EPHA3: variants seen among roughly 807,000 people sequenced by gnomAD.
The protein encoded by EPHA3 is ephrin type-A receptor 3.
EPHA3 carries 42 observed loss-of-function variants against 107.1 expected under a neutral mutation model. The ratio of observed to expected loss-of-function variants is 0.39; its 90% CI spans 0.31 to 0.51. EPHA3 has a LOEUF of 0.51. EPHA3 is among the 20% of genes least tolerant of loss of function. The probability of loss-of-function intolerance (pLI) is 0.78; values close to 1 mark genes in which losing one functional copy is unlikely to be tolerated. For synonymous variants in EPHA3, 461 were observed against 424.8 expected (o/e 1.09, Z -1.05); for missense variants, 1,183 against 1,211.2 (o/e 0.98, Z 0.35).
At chr3:89,348,598 T>C (rs1380288386) in intron 5 of EPHA3, among the ~76,000 whole-genome samples, 2 of 141,002 alleles carry the variant, frequency 1.4e-5, no homozygotes, top group African/African-American at 2.9e-5. Context: ...TGAATGGTTT[T>C]TTGTGTCTCT....
chr3:89,306,669 T>C (rs1330956980), intron 3 of EPHA3, among the ~76,000 whole-genome samples: 1 of 152,214 alleles, frequency 6.6e-6, no homozygotes, highest in Non-Finnish European at 1.5e-5. Flanking sequence ...TTCTCCAGGC[T>C]GGCTTACCTA....
At chr3:89,181,802 C>A (rs190042028) in intron 2 of EPHA3, among the ~76,000 whole-genome samples, 3 of 152,076 alleles carry the variant, frequency 2.0e-5, no homozygotes, top group Admixed American at 2.0e-4. Context: ...AGATTGCATG[C>A]TCAGAAAGCT....
At chr3:89,159,432 A>G (rs185120306) in intron 2 of EPHA3, among the ~76,000 whole-genome samples, 122 of 152,208 alleles carry the variant, frequency 8.0e-4, no homozygotes, top group African/African-American at 2.9e-3. Context: ...AAAATCCACT[A>G]GTGAAGTCCC....
chr3:89,414,592 T>C lies in EPHA3; in HGVS notation c.1888+1326T>C, dbSNP rs1384428113. Among the ~76,000 whole-genome samples the C allele has an allele frequency of 2.0e-5, 3 of 151,708 alleles. No homozygotes were observed. The East Asian group carries it at 5.9e-4, about 30-fold the overall frequency. ...CTTTTCTCCAGCACGGAGCCTGCGG[T>C]AGCAAATGCAGCACGAGGACTTTGA... On this transcript the variant is annotated intron_variant, in intron 10 of 16. Transcript: ENST00000336596.
At chr3:89,382,381 A>G (rs1708528288) in intron 5 of EPHA3, among the ~76,000 whole-genome samples, 1 of 151,680 alleles carries the variant, frequency 6.6e-6, no homozygotes, top group Non-Finnish European at 1.5e-5. Context: ...GGTGGTGGGA[A>G]CCTGTAATCC....
At chr3:89,242,384 G>A (rs1576258633) in intron 3 of EPHA3, among the ~76,000 whole-genome samples, 1 of 152,230 alleles carries the variant, frequency 6.6e-6, no homozygotes, top group South Asian at 2.1e-4. Flanking sequence ...AGTGTGCACT[G>A]CAACATAATG....
In EPHA3 at chr3:89,210,017, G is replaced by A. The variant is rs753700696; in HGVS notation, c.311G>A (p.Arg104Gln). ...TATGTGGAGCTCAAGTTCACTCTAC[G>A]AGACTGCAATAGCATTCCATTGGTT... ...KIYVELKFTL[R>Q]DCNSIPLVLG... Residue 104 changes from arginine to glutamine, a missense_variant, in exon 3 of 17, where the codon CGA (arginine) becomes CAA (glutamine). By Grantham distance (43) the Arg-to-Gln change is conservative (BLOSUM62 1). Transcript: ENST00000336596. 1 of 1,613,970 alleles carries A rather than the reference G, an allele frequency of 6.2e-7. No homozygotes were observed. The highest frequency in any genetic ancestry group is 8.5e-7 in the Non-Finnish European group (1 of 1,179,928).
chr3:89,400,617 ATGTGTGTGTGTGTGTGAGCGTGTG>A (rs1708942211), intron 7 of EPHA3, among the ~76,000 whole-genome samples: 1 of 146,776 alleles, frequency 6.8e-6, no homozygotes, highest in Non-Finnish European at 1.5e-5. Context: ...ATACATAATT[ATGTGTGTGTGTGTGTGAGCGTGTG>A]TGTGTGTGTG....
At chr3:89,316,512 AT>A (rs1321596002) in intron 3 of EPHA3, among the ~76,000 whole-genome samples, 36 of 95,868 alleles carry the variant, frequency 3.8e-4, no homozygotes, top group African/African-American at 1.4e-3. Flanking sequence ...TGTAATATAT[AT>A]ATATATATAT....
rs1016811020 is a variant in EPHA3, at chr3:89,418,770, A to G, written c.1889-435A>G. Among the ~76,000 whole-genome samples the G allele has an allele frequency of 2.6e-5, 4 of 151,448 alleles. No homozygotes were observed. In the Admixed American group the frequency reaches 2.6e-4, roughly 10 times the overall value. On this transcript the variant is annotated intron_variant, in intron 10 of 16. Transcript: ENST00000336596. Reference sequence around the variant, plus strand: ...ATTTTTAGAGTCTGAATATATAGCCATATTGGCCCTCGGTAAAAACAGAAT... The same window carrying G: ...ATTTTTAGAGTCTGAATATATAGCCGTATTGGCCCTCGGTAAAAACAGAAT...
intron 3 of EPHA3, among the ~76,000 whole-genome samples, chr3:89,251,990 G>T (rs1162969889): frequency 6.6e-6 from 1 of 151,956 alleles, no homozygotes; most frequent in East Asian, 1.9e-4. Context: ...AGTAATTATG[G>T]TATATACAAC....
At chr3:89,230,060 A>G (rs1368508227) in intron 3 of EPHA3, among the ~76,000 whole-genome samples, 1 of 152,158 alleles carries the variant, frequency 6.6e-6, no homozygotes, top group African/African-American at 2.4e-5. Flanking sequence ...TTTAGAGTGT[A>G]TATGAGTAAT....
chr3:89,472,439 C>T, intron 15 of EPHA3, 25 bp from the exon 16 acceptor site: 1 of 1,603,394 alleles, frequency 6.2e-7, no homozygotes, highest in Non-Finnish European at 8.5e-7. Context: ...TGATCTGTCT[C>T]CCTTTGGTGT....
At chr3:89,371,046 T>C (rs1284052903) in intron 5 of EPHA3, among the ~76,000 whole-genome samples, 4 of 151,748 alleles carry the variant, frequency 2.6e-5, no homozygotes, top group Non-Finnish European at 4.4e-5. Flanking sequence ...TTATATCTGC[T>C]CTTAAATGGT....
intron 12 of EPHA3, 42 bp downstream of exon 12, chr3:89,429,209 C>T: frequency 6.7e-7 from 1 of 1,489,400 alleles, no homozygotes; most frequent in Non-Finnish European, 9.3e-7. Context: ...GAATAAATTG[C>T]TGAAAACATT....
At chr3:89,327,941 T>C (rs1012003720) in intron 3 of EPHA3, among the ~76,000 whole-genome samples, 1 of 151,728 alleles carries the variant, frequency 6.6e-6, no homozygotes. Flanking sequence ...CCACTAAAAA[T>C]ACAAAAATAA....
At chr3:89,364,342 T>C (rs1048130909) in intron 5 of EPHA3, among the ~76,000 whole-genome samples, 31 of 151,002 alleles carry the variant, frequency 2.1e-4, no homozygotes, top group African/African-American at 7.5e-4. Context: ...ATTTACCTAC[T>C]CCAAGCCAAT....
chr3:89,182,224 T>C (rs1267445686), intron 2 of EPHA3, among the ~76,000 whole-genome samples: 1 of 151,982 alleles, frequency 6.6e-6, no homozygotes, highest in Non-Finnish European at 1.5e-5. Flanking sequence ...GTGGTGCCAC[T>C]TTATAGCCCC....
intron 2 of EPHA3, among the ~76,000 whole-genome samples, chr3:89,139,932 A>C (rs1467959857): frequency 6.6e-6 from 1 of 151,856 alleles, no homozygotes; most frequent in African/African-American, 2.4e-5. Flanking sequence ...AGCAGCACCC[A>C]AGATAATATC....
Sources: allele counts gnomAD v4.1 joint callset (sites outside exome capture counted in the v4.1 genomes callset), GRCh38; gene constraint gnomAD v4.1.1; transcripts MANE v1.5; gene names NCBI Gene and HGNC (gene_info 2026-07-23, HGNC 2026-07-21).